CNTLN: variants seen among roughly 807,000 people sequenced by gnomAD.
The protein encoded by CNTLN is centlein, centrosomal protein.
A neutral mutation model predicts 180.0 loss-of-function variants in CNTLN; 212 were observed. The ratio of observed to expected loss-of-function variants is 1.18; its 90% CI spans 1.05 to 1.32. The LOEUF (loss-of-function observed/expected upper bound fraction) is 1.32. Ranked by LOEUF, CNTLN falls within the 40% of genes most tolerant of loss-of-function variation. The pLI, the probability that CNTLN is intolerant of heterozygous loss-of-function variation, is 0.00. For missense variants in CNTLN, 2,095 were observed against 1,610.9 expected (o/e 1.30, Z -5.14); for synonymous variants, 722 against 563.1 (o/e 1.28, Z -3.99).
chr9:17,237,416 A>G (rs2132164306), intron 5 of CNTLN, among the ~76,000 whole-genome samples: 1 of 149,992 alleles, frequency 6.7e-6, no homozygotes, highest in East Asian at 2.0e-4. Context: ...CGGTTAGTCA[A>G]CAGTTACAAG....
chr9:17,359,724 A>AAAAAAAAAAAAAAAAAAAAC (rs1823159136), intron 12 of CNTLN, among the ~76,000 whole-genome samples: 3 of 39,424 alleles, frequency 7.6e-5, no homozygotes, highest in Non-Finnish European at 1.2e-4. Flanking sequence ...TACTAAAAAT[A>AAAAAAAAAAAAAAAAAAAAC]CAAAAAAAAA....
At chr9:17,333,519 C>G (rs781042865) in intron 10 of CNTLN, among the ~76,000 whole-genome samples, 1 of 152,016 alleles carries the variant, frequency 6.6e-6, no homozygotes, top group Non-Finnish European at 1.5e-5. Flanking sequence ...ACACATGAAG[C>G]TCAGATTCTT....
At chr9:17,319,992 T>C (rs1819796576) in intron 8 of CNTLN, among the ~76,000 whole-genome samples, 1 of 152,220 alleles carries the variant, frequency 6.6e-6, no homozygotes, top group Non-Finnish European at 1.5e-5. Context: ...CCTATTCTTA[T>C]CTCAAAGCGA....
chr9:17,236,622 T>C (rs757420119), intron 5 of CNTLN, 34 bp downstream of exon 5: 3 of 1,532,314 alleles, frequency 2.0e-6, no homozygotes, highest in Non-Finnish European at 2.6e-6. Flanking sequence ...TACTCCTCTT[T>C]TGGATCTAAC....
At chr9:17,499,244 A>G (rs374369384) in intron 25 of CNTLN, among the ~76,000 whole-genome samples, 20 of 152,332 alleles carry the variant, frequency 1.3e-4, no homozygotes, top group African/African-American at 3.8e-4. Flanking sequence ...AAGATTTTGA[A>G]GAGCTTTCTT....
At chr9:17,299,379 C>G (rs924824937) in intron 7 of CNTLN, 1 of 840,932 alleles carries the variant, frequency 1.2e-6, no homozygotes, top group East Asian at 1.2e-4. Context: ...GCAAGTGAGG[C>G]TTAGAGAGGT....
At chr9:17,512,397 C>G in the CNTLN span, among the ~76,000 whole-genome samples, 5 of 152,140 alleles carry the variant, frequency 3.3e-5, no homozygotes, top group Non-Finnish European at 7.3e-5. Flanking sequence ...AGGCCATTAT[C>G]CTAAATGAAT....
intron 23 of CNTLN, among the ~76,000 whole-genome samples, chr9:17,470,650 T>A (rs1004191274): frequency 6.6e-6 from 1 of 151,872 alleles, no homozygotes; most frequent in African/African-American, 2.4e-5. Flanking sequence ...AATAACTGAA[T>A]AAAACACACA....
At chr9:17,527,865 T>C in the CNTLN span, among the ~76,000 whole-genome samples, 1 of 151,828 alleles carries the variant, frequency 6.6e-6, no homozygotes, top group Non-Finnish European at 1.5e-5. Context: ...AAATCCTGCA[T>C]TGATGGGGGT....
intron 6 of CNTLN, 45 bp from the exon 7 acceptor site, chr9:17,298,145 G>A: frequency 7.3e-7 from 1 of 1,363,658 alleles, no homozygotes; most frequent in Non-Finnish European, 9.5e-7. Flanking sequence ...TAACTGAGAT[G>A]ATCTTTATCC....
intron 18 of CNTLN, among the ~76,000 whole-genome samples, chr9:17,435,993 G>A (rs868618130): frequency 5.3e-5 from 8 of 152,058 alleles, no homozygotes; most frequent in South Asian, 4.2e-4. Flanking sequence ...TAGGCTAGGG[G>A]ATATAAGAGA....
chr9:17,366,825 C>A, intron 13 of CNTLN, 108 bp downstream of exon 13: 2 of 644,984 alleles, frequency 3.1e-6, no homozygotes, highest in Non-Finnish European at 5.4e-6. Context: ...TGTTTCTTTT[C>A]CAACACTTTA....
At position 17,140,156 on chromosome 9, in the gene CNTLN, G is replaced by A. The variant is rs148821700; in HGVS notation, c.361-3132G>A. Among the ~76,000 whole-genome samples, 196 of 152,138 alleles carry A rather than the reference G, an allele frequency of 1.3e-3. 3 individuals are homozygous for A. The highest frequency in any genetic ancestry group is 9.2e-3 in the Admixed American group (141 of 15,284). ...TTTTCGGGGGGGGACTTTATTTTTT[G>A]TATATGAAAGTTTTTTTAGTAATTC... is the stretch of plus-strand genomic sequence containing the variant. On this transcript the variant is annotated intron_variant, in intron 1 of 25. Coordinates refer to ENST00000380647, the MANE Select transcript of CNTLN (RefSeq NM_017738.4).
Position 17,489,974 on chromosome 9 carries a change from A to G in CNTLN, c.4119+2908A>G, listed in dbSNP as rs550873211. 8.2e-4 allele frequency among the ~76,000 whole-genome samples: 125 copies of G among 152,266 alleles called. 1 individual carries two copies. Among genetic ancestry groups the G allele is most frequent in the African/African-American group, 2.9e-3 (121 of 41,576 alleles). ...TGTATAAATCTCTCTTTTCACATTG[A>G]TATATTTTTTAAAACTTGTAATTTA... is the stretch of plus-strand genomic sequence containing the variant. On this transcript the variant is annotated intron_variant, in intron 25 of 25. Transcript: ENST00000380647.
intron 25 of CNTLN, among the ~76,000 whole-genome samples, chr9:17,494,250 A>T (rs901315938): frequency 6.6e-6 from 1 of 152,238 alleles, no homozygotes; most frequent in Non-Finnish European, 1.5e-5. Context: ...AAGATGCCTA[A>T]CCCATTGCCT....
rs1348734986 is a variant in CNTLN at position 17,332,733 on chromosome 9, G to A, written c.1644+3G>A. ...TAGAGAAGGCACTACAACTAAAGGT[G>A]AACATTAAATCATTTCTTTAGTAGT... On this transcript the variant is annotated splice_donor_region_variant and intron_variant, in intron 10 of 25. Coordinates refer to ENST00000380647, the MANE Select transcript of CNTLN (RefSeq NM_017738.4). 2 of 1,578,772 alleles carry A rather than the reference G, an allele frequency of 1.3e-6. No homozygotes were observed. The highest frequency in any genetic ancestry group is 1.4e-5 in the African/African-American group (1 of 72,718).
At chr9:17,488,335 G>T (rs1427402413) in intron 25 of CNTLN, among the ~76,000 whole-genome samples, 1 of 152,090 alleles carries the variant, frequency 6.6e-6, no homozygotes, top group Non-Finnish European at 1.5e-5. Flanking sequence ...TTTGAGAACA[G>T]AGGCCATTTC....
intron 7 of CNTLN, among the ~76,000 whole-genome samples, chr9:17,303,317 A>G (rs1470074164): frequency 6.6e-6 from 1 of 152,200 alleles, no homozygotes. Context: ...TCAACACTTA[A>G]TAATTTCTAA....
rs148244366 is a variant in CNTLN at position 17,254,576 on chromosome 9, G to C, written c.849+17988G>C. ...AAAGGCTGCCCTTTAGTCATCAGTT[G>C]GTCTTGGTACCTTTGTGAAAAGTGA... is the stretch of plus-strand genomic sequence containing the variant. On this transcript the variant is annotated intron_variant, in intron 5 of 25. Transcript: ENST00000380647. 3.0e-3 allele frequency among the ~76,000 whole-genome samples: 446 copies of C among 150,972 alleles called. 5 individuals carry two copies. The highest frequency in any genetic ancestry group is 0.01 in the African/African-American group (427 of 41,294).
Sources: gnomAD v4.1 joint callset for allele counts (sites outside exome capture counted in the v4.1 genomes callset) on GRCh38, gnomAD v4.1.1 for gene constraint, MANE v1.5 for transcripts, NCBI Gene and HGNC (gene_info 2026-07-23, HGNC 2026-07-21) for gene names.